Variants in FHIT observed in about 807,000 individuals in gnomAD.
FHIT encodes fragile histidine triad diadenosine triphosphatase, also known as bis(5'-adenosyl)-triphosphatase.
A neutral mutation model predicts 17.9 loss-of-function variants in FHIT; 19 were observed. That is an observed-to-expected ratio of 1.06 (90% CI 0.74 to 1.56). The LOEUF is 1.56. Among genes scored for constraint, FHIT ranks in the 40% most tolerant of loss-of-function variants. The pLI, the probability that FHIT is intolerant of heterozygous loss-of-function variation, is 0.00. For synonymous variants in FHIT, 81 were observed against 69.7 expected, an observed-to-expected ratio of 1.16 and a Z score of -0.81; for missense variants, 248 against 189.2, an observed-to-expected ratio of 1.31 and a Z score of -1.82.
At chr3:60,868,543 T>A (rs1201308432) in intron 3 of FHIT, among the ~76,000 whole-genome samples, 4 of 152,176 alleles carry the variant, frequency 2.6e-5, no homozygotes, top group Non-Finnish European at 5.9e-5. Context: ...CCCTTTCTCA[T>A]ACAATCAGAG....
At chr3:61,001,050 CA>C (rs1368642639) in intron 3 of FHIT, among the ~76,000 whole-genome samples, 1 of 150,658 alleles carries the variant, frequency 6.6e-6, no homozygotes, top group Non-Finnish European at 1.5e-5. Context: ...AGTAAGCACA[CA>C]AAAAAATATT....
chr3:60,547,686 A>G (rs2036412690), intron 4 of FHIT, among the ~76,000 whole-genome samples: 2 of 152,318 alleles, frequency 1.3e-5, no homozygotes, highest in South Asian at 4.1e-4. Flanking sequence ...AATTCTCGCC[A>G]GCTGGTAGCA....
chr3:59,903,186 A>T (rs1024753585), intron 8 of FHIT, among the ~76,000 whole-genome samples: 1 of 152,236 alleles, frequency 6.6e-6, no homozygotes, highest in Non-Finnish European at 1.5e-5. Flanking sequence ...ACAGTGGCAC[A>T]CACCACCACA....
intron 8 of FHIT, among the ~76,000 whole-genome samples, chr3:59,815,302 A>G (rs1404401585): frequency 1.3e-5 from 2 of 152,206 alleles, no homozygotes; most frequent in Non-Finnish European, 2.9e-5. Flanking sequence ...TAGTACAACC[A>G]CTATGGAAAA....
At chr3:60,173,915 A>ATATATATATATATTTTT in intron 5 of FHIT, among the ~76,000 whole-genome samples, 6 of 66,438 alleles carry the variant, frequency 9.0e-5, no homozygotes, top group Non-Finnish European at 1.4e-4. Context: ...ATATATATAT[A>ATATATATATATATTTTT]TGTTTTTTTT....
At chr3:60,013,507 T>C (rs904175443) in intron 6 of FHIT, among the ~76,000 whole-genome samples, 3 of 152,202 alleles carry the variant, frequency 2.0e-5, no homozygotes, top group Non-Finnish European at 4.4e-5. Flanking sequence ...ACTGGGGATC[T>C]GATTTCTTCA....
At chr3:59,948,248 T>C (rs1203098851) in intron 7 of FHIT, among the ~76,000 whole-genome samples, 1 of 151,184 alleles carries the variant, frequency 6.6e-6, no homozygotes, top group African/African-American at 2.4e-5. Flanking sequence ...ATCACACATG[T>C]AATCCCAGCA....
intron 3 of FHIT, among the ~76,000 whole-genome samples, chr3:60,885,348 C>T (rs1310370270): frequency 2.6e-5 from 4 of 152,032 alleles, no homozygotes; most frequent in African/African-American, 9.7e-5. Flanking sequence ...TAATAAAAAA[C>T]ATTAAGTTTA....
At chr3:59,830,488 T>C (rs1440985982) in intron 8 of FHIT, among the ~76,000 whole-genome samples, 3 of 152,200 alleles carry the variant, frequency 2.0e-5, no homozygotes, top group Non-Finnish European at 4.4e-5. Flanking sequence ...ATGTCAAAAC[T>C]GTCTCCTGAA....
At chr3:60,714,541 C>T (rs1229771751) in intron 4 of FHIT, among the ~76,000 whole-genome samples, 5 of 151,978 alleles carry the variant, frequency 3.3e-5, no homozygotes, top group South Asian at 2.1e-4. Flanking sequence ...AACCCCATTG[C>T]CTCAGCCCAA....
Position 60,430,784 on chromosome 3 carries a change from CTAAT to C in FHIT, c.103+106072_103+106075del, listed in dbSNP as rs1702859502. Among the ~76,000 whole-genome samples, 5 of 152,190 alleles carry C rather than the reference CTAAT, an allele frequency of 3.3e-5. No individual in the cohort carries two copies. In the South Asian group the frequency reaches 8.3e-4, roughly 25 times the overall value. ...TCTATGTAAGGTTCGATGTACTCTACTAATTAAAGATCTCTTTCTATTGCTTCCA... is the reference window on the plus strand; with the variant it reads ...TCTATGTAAGGTTCGATGTACTCTACTAAAGATCTCTTTCTATTGCTTCCA... On this transcript the variant is annotated intron_variant, in intron 5 of 9. Coordinates refer to ENST00000492590, the MANE Select transcript of FHIT (RefSeq NM_002012.4).
At chr3:60,030,051 G>T (rs74623028) in intron 5 of FHIT, among the ~76,000 whole-genome samples, 2,401 of 152,066 alleles carry the variant, frequency 0.016, 73 homozygotes, top group African/African-American at 0.055. Context: ...ATTTGTCAGG[G>T]TTTTGTTTGT....
intron 5 of FHIT, among the ~76,000 whole-genome samples, chr3:60,163,982 A>G (rs1308393303): frequency 1.3e-5 from 2 of 152,120 alleles, no homozygotes; most frequent in Non-Finnish European, 2.9e-5. Flanking sequence ...AGGCAGAGAC[A>G]GTGCTGGCTT....
intron 5 of FHIT, among the ~76,000 whole-genome samples, chr3:60,458,985 C>T (rs889756575): frequency 2.6e-5 from 4 of 151,848 alleles, no homozygotes; most frequent in Admixed American, 6.6e-5. Flanking sequence ...TCTCACTATG[C>T]TGCTAGGGCT....
chr3:59,873,446 T>C (rs775139755), intron 8 of FHIT, among the ~76,000 whole-genome samples: 2 of 152,302 alleles, frequency 1.3e-5, no homozygotes, highest in East Asian at 3.9e-4. Context: ...TTAACATAAA[T>C]GGTTCATTCC....
chr3:59,970,771 C>T (rs773694245), intron 7 of FHIT, among the ~76,000 whole-genome samples: 19 of 151,902 alleles, frequency 1.3e-4, no homozygotes, highest in African/African-American at 3.6e-4. Context: ...CTGTCTCGTC[C>T]GGCACTAACA....
intron 5 of FHIT, among the ~76,000 whole-genome samples, chr3:60,338,691 G>A (rs908490220): frequency 5.3e-5 from 8 of 152,140 alleles, no homozygotes; most frequent in Admixed American, 2.0e-4. Flanking sequence ...TTTCTGCATG[G>A]TATGACATAT....
At chr3:60,423,220 A>C (rs1049122988) in intron 5 of FHIT, among the ~76,000 whole-genome samples, 1 of 152,132 alleles carries the variant, frequency 6.6e-6, no homozygotes, top group African/African-American at 2.4e-5. Flanking sequence ...TATAGATGGT[A>C]GAGTAGAGAG....
At chr3:60,966,831 G>A (rs946137620) in intron 3 of FHIT, among the ~76,000 whole-genome samples, 3 of 152,192 alleles carry the variant, frequency 2.0e-5, no homozygotes, top group Non-Finnish European at 2.9e-5. Context: ...AATTAATTGG[G>A]TAAGAGAACT....
Sources: allele counts gnomAD v4.1 joint callset (sites outside exome capture counted in the v4.1 genomes callset), GRCh38; gene constraint gnomAD v4.1.1; transcripts MANE v1.5; gene names NCBI Gene and HGNC (gene_info 2026-07-23, HGNC 2026-07-21).